PPP2R3B: variants seen among roughly 807,000 people sequenced by gnomAD.
PPP2R3B encodes the protein protein phosphatase 2 regulatory subunit B''beta, also known as serine/threonine-protein phosphatase 2A regulatory subunit B'' subunit beta.
In PPP2R3B, 68 loss-of-function variants were observed where a neutral mutation model predicts 72.9. The observed-to-expected ratio is 0.93, with a 90% CI of 0.77 to 1.14. PPP2R3B has a LOEUF of 1.14. Among genes scored for constraint, PPP2R3B ranks in the 50% most tolerant of loss-of-function variants. The pLI is 0.00. For synonymous variants in PPP2R3B, 466 were observed against 375.8 expected (o/e 1.24, Z -2.78); for missense variants, 1,018 against 842.0 (o/e 1.21, Z -2.59).
At chrX:385,014 C>T (rs2072214796) in intron 1 of PPP2R3B, among the ~76,000 whole-genome samples, 1 of 144,416 alleles carries the variant, frequency 6.9e-6, no homozygotes, top group African/African-American at 2.6e-5. Flanking sequence ...AAACTGATTG[C>T]AATCACTTTA....
Position 338,606 on chromosome X carries a change from G to A in PPP2R3B, c.1575C>T (p.Asp525=), listed in dbSNP as rs144014314. 130 of 1,600,106 alleles carry A rather than the reference G, an allele frequency of 8.1e-5. No homozygotes were observed. Among genetic ancestry groups the A allele is most frequent in the South Asian group, 6.8e-4 (61 of 90,218 alleles). The part of the protein sequence containing the change: ...AEETAGEPWE[D]GFEAELSPVE... The stretch of plus-strand genomic sequence containing the variant: ...ACTCACCCGTCCTCCCCACTCACCC[G>A]TCCTCCCAGGGCTCTCCCGCAGTCT... Residue 525 remains aspartate, a splice_region_variant and synonymous_variant, in exon 12 of 13, where the codon GAC becomes GAT. Coordinates refer to ENST00000390665, the MANE Select transcript of PPP2R3B (RefSeq NM_013239.5).
chrX:363,517 C>A (rs1441166015), intron 1 of PPP2R3B, among the ~76,000 whole-genome samples: 1 of 67,198 alleles, frequency 1.5e-5, no homozygotes, highest in Non-Finnish European at 3.2e-5. Context: ...CCCGAGCCCG[C>A]GATCCCGCAG....
intron 6 of PPP2R3B, 118 bp downstream of exon 6, chrX:346,056 T>TGGGGGTGGGAGA (rs1175446481): frequency 1.6e-4 from 65 of 397,802 alleles, no homozygotes; most frequent in South Asian, 3.6e-4. Context: ...GGGGTGGGGG[T>TGGGGGTGGGAGA]GGGGGTGGGA....
At chrX:350,671 C>T (rs1216319799) in intron 2 of PPP2R3B, among the ~76,000 whole-genome samples, 12 of 152,210 alleles carry the variant, frequency 7.9e-5, no homozygotes, top group African/African-American at 1.9e-4. Flanking sequence ...ACATGACACG[C>T]GCGGCTGAGA....
chrX:338,528 T>TC lies in PPP2R3B; in HGVS notation c.1577+75dup, dbSNP rs376645743. ...CCCCCGGCTGCACACACACCCGTCCTCCCACTCACCCGTCCTCCCCACTCA... is the reference window on the plus strand; with the variant it reads ...CCCCCGGCTGCACACACACCCGTCCTCCCCACTCACCCGTCCTCCCCACTCA... On this transcript the variant is annotated intron_variant, in intron 12 of 12. Transcript: ENST00000390665. The TC allele has an allele frequency of 1.9e-3, 852 of 444,110 alleles. 12 individuals carry two copies. The highest frequency in any genetic ancestry group is 2.8e-3 in the Middle Eastern group (4 of 1,410). 27.5% of individuals were successfully genotyped at this position (444,110 alleles called of 1,614,324 possible).
Position 338,883 on chromosome X carries a change from C to T in PPP2R3B, c.1365G>A (p.Leu455=), listed in dbSNP as rs1054803670. 3 of 1,612,178 alleles carry T rather than the reference C, an allele frequency of 1.9e-6. No homozygotes were observed. The African/African-American group carries it at 4.0e-5, about 22-fold the overall frequency. The change falls in exon 11 of 13, where the codon CTG becomes CTA. Residue 455 remains leucine, a synonymous_variant. Transcript: ENST00000390665. ...VKPRTEGKIT[L]QDLKRCKLAN... ...CCAGCTTGCAGCGCTTCAGGTCCTGCAGCGTGATCTTCCCTGCGGGGAGGG... is the reference window on the plus strand; with the variant it reads ...CCAGCTTGCAGCGCTTCAGGTCCTGTAGCGTGATCTTCCCTGCGGGGAGGG...
At chrX:339,221 G>A (rs1278024940) in intron 10 of PPP2R3B, among the ~76,000 whole-genome samples, 5 of 149,770 alleles carry the variant, frequency 3.3e-5, no homozygotes, top group African/African-American at 1.2e-4. Flanking sequence ...CGTGCAGGCA[G>A]AGGCCAGAGG....
chrX:345,114 A>C, intron 7 of PPP2R3B: 6 of 472,906 alleles, frequency 1.3e-5, no homozygotes, highest in Non-Finnish European at 1.7e-5. Context: ...GGCTCCACCT[A>C]GCCCGGGATT....
chrX:334,393 C>T lies in PPP2R3B; in HGVS notation c.1702G>A (p.Gly568Arg), dbSNP rs151147105. The change falls in exon 13 of 13, where the codon GGG (glycine) becomes AGG (arginine). Residue 568 changes from glycine (G) to arginine (R), a missense_variant. Physicochemically the swap from Gly to Arg is moderately radical, Grantham distance 125. Transcript: ENST00000390665. The part of the protein sequence containing the change: ...GAVDLYEYAC[G>R]DEDLEPL ...CACAGCGGCTCCAGGTCCTCGTCCC[C>T]GCATGCGTACTCGTACAGGTCCACG... 1,864 of 1,547,808 alleles carry T rather than the reference C, an allele frequency of 1.2e-3. 1 individual carries two copies. The highest frequency in any genetic ancestry group is 1.4e-3 in the Non-Finnish European group (1,588 of 1,154,364).
At chrX:345,900 TGG>T (rs1425347496) in intron 6 of PPP2R3B, among the ~76,000 whole-genome samples, 1 of 43,090 alleles carries the variant, frequency 2.3e-5, no homozygotes, top group Non-Finnish European at 4.6e-5. Flanking sequence ...GGGGCAGCTC[TGG>T]GGGAGTCAGG....
Position 381,887 on chromosome X carries a change from C to T in PPP2R3B, c.324+4481G>A, listed in dbSNP as rs1214799393. Among the ~76,000 whole-genome samples, 9 of 152,166 alleles carry T rather than the reference C, an allele frequency of 5.9e-5. 1 individual carries two copies. The highest frequency in any genetic ancestry group is 3.4e-3 in the Middle Eastern group (1 of 294). ...TGCTGGGATCACAGGCATGAGCCAC[C>T]GTGCCCAGCCCAAGCTCATCTTTTT... On this transcript the variant is annotated intron_variant, in intron 1 of 12. Coordinates refer to ENST00000390665, the MANE Select transcript of PPP2R3B (RefSeq NM_013239.5).
chrX:386,522 G>T lies in PPP2R3B; in HGVS notation c.170C>A (p.Ala57Asp). 2 of 1,410,708 alleles carry T rather than the reference G, an allele frequency of 1.4e-6. No individual in the cohort carries two copies. The highest frequency in any genetic ancestry group is 1.5e-5 in the African/African-American group (1 of 66,762). The allele number at this position is 1,410,708 out of a possible 1,614,324, so 87.4% of individuals were successfully genotyped here. Residue 57 changes from alanine to aspartate, a missense_variant, in exon 1 of 13, where the codon GCC becomes GAC. Ala to Asp is a moderately radical substitution (Grantham distance 126). Transcript: ENST00000390665. ...GGCGGCGAGCGGGGCTGTGGGCCAG[G>T]CCCCGGGCTGCTCCCCGTCCCCCGG... is the stretch of plus-strand genomic sequence containing the variant. ...PTPGDGEQPG[A>D]WPTAPLAAPR...
chrX:378,688 G>A (rs2072051322), intron 1 of PPP2R3B, among the ~76,000 whole-genome samples: 1 of 152,058 alleles, frequency 6.6e-6, no homozygotes, highest in African/African-American at 2.4e-5. Context: ...CAGAAGGGGA[G>A]GGAGGGATGA....
At chrX:386,258 A>C in intron 1 of PPP2R3B, 110 bp downstream of exon 1, 4 of 929,184 alleles carry the variant, frequency 4.3e-6, no homozygotes, top group Non-Finnish European at 5.6e-6. Flanking sequence ...CTCAATATGA[A>C]ACCGTTTTGG....
chrX:369,746 A>G (rs2071815311), intron 1 of PPP2R3B, among the ~76,000 whole-genome samples: 1 of 152,208 alleles, frequency 6.6e-6, no homozygotes, highest in Admixed American at 6.5e-5. Flanking sequence ...GCAGGACCGG[A>G]CACCACGATC....
chrX:343,883 GGAGGCGGGAGGGAGACCTCACCAAGGA>G lies in PPP2R3B; in HGVS notation c.1036+1606_1036+1632del, dbSNP rs1379809117. On this transcript the variant is annotated intron_variant, in intron 7 of 12. Transcript: ENST00000390665. ...ACGCGGGAGTGAGACCTCAGCAACG[GGAGGCGGGAGGGAGACCTCACCAAGGA>G]GAGGCGGGAGGGAGACCTCAGCAAC... 3.6e-3 allele frequency among the ~76,000 whole-genome samples: 194 copies of G among 54,336 alleles called. 13 individuals are homozygous for G. Among genetic ancestry groups the G allele is most frequent in the Non-Finnish European group, 4.4e-3 (124 of 27,978 alleles). The allele number at this position is 54,336 out of a possible 152,430, so 35.6% of individuals were successfully genotyped here. A position where few individuals can be genotyped will look rare whatever the true frequency, so the allele number is the denominator to read the frequency against.
intron 6 of PPP2R3B, 106 bp downstream of exon 6, chrX:346,056 TGGGGGTGGGAGA>T (rs1175446481): frequency 2.5e-5 from 10 of 397,774 alleles, no homozygotes; most frequent in African/African-American, 9.6e-5. Context: ...GGGGTGGGGG[TGGGGGTGGGAGA>T]GGGGGTGGGA....
chrX:339,272 C>CGG (rs113634597), intron 10 of PPP2R3B, among the ~76,000 whole-genome samples: 9,286 of 134,132 alleles, frequency 0.069, 723 homozygotes, highest in East Asian at 0.2. Context: ...GCCCCATGGC[C>CGG]GGGGGGGGCA....
rs994227888 is a variant in PPP2R3B, at chrX:341,505, C to T, written c.1086-109G>A. 144 of 1,132,446 alleles carry T rather than the reference C, an allele frequency of 1.3e-4. No individual in the cohort carries two copies. In the African/African-American group the frequency reaches 2.1e-3, roughly 16 times the overall value. The allele number at this position is 1,132,446 out of a possible 1,614,324, so 70.1% of individuals were successfully genotyped here. ...GTGAGGGGAGCCCCCCGGGCCCGGC[C>T]CTCCTCCTGCCCCCCTCCTGCCCCT... is the stretch of plus-strand genomic sequence containing the variant. On this transcript the variant is annotated intron_variant, in intron 8 of 12. Coordinates refer to ENST00000390665, the MANE Select transcript of PPP2R3B (RefSeq NM_013239.5).
Sources: gnomAD v4.1 joint callset for allele counts (sites outside exome capture counted in the v4.1 genomes callset) on GRCh38, gnomAD v4.1.1 for gene constraint, MANE v1.5 for transcripts, NCBI Gene and HGNC (gene_info 2026-07-23, HGNC 2026-07-21) for gene names.